The following DYM variants were observed in gnomAD, a reference collection of about 807,000 sequenced individuals.
The protein encoded by DYM is dyggve-Melchior-Clausen syndrome protein.
A neutral mutation model predicts 93.1 loss-of-function variants in DYM; 78 were observed. The observed-to-expected ratio is 0.84, with a 90% confidence interval of 0.70 to 1.01. The LOEUF (loss-of-function observed/expected upper bound fraction) is 1.01. Among genes scored for constraint, DYM ranks in the 50% least tolerant of loss-of-function variants. DYM has a pLI of 0.00. For missense variants in DYM, 789 were observed against 845.0 expected (o/e 0.93, Z 0.82); for synonymous variants, 321 against 319.7 (o/e 1.00, Z -0.04).
intron 14 of DYM, among the ~76,000 whole-genome samples, chr18:49,200,264 G>T (rs1374117234): frequency 1.3e-5 from 2 of 151,906 alleles, no homozygotes; most frequent in African/African-American, 4.8e-5. Flanking sequence ...ATTTGTAAAA[G>T]ATAAATTTTA....
At chr18:49,304,384 T>C (rs543227347) in intron 8 of DYM, among the ~76,000 whole-genome samples, 1 of 152,280 alleles carries the variant, frequency 6.6e-6, no homozygotes, top group East Asian at 1.9e-4. Flanking sequence ...ACCAACATTA[T>C]CATATTATGC....
rs546115646 is a variant in DYM at position 49,044,567 on chromosome 18, A to G, written c.2026-363T>C. Among the ~76,000 whole-genome samples the G allele has an allele frequency of 2.0e-5, 3 of 152,370 alleles. No individual in the cohort carries two copies. In the South Asian group the frequency reaches 6.2e-4, roughly 32 times the overall value. On this transcript the variant is annotated intron_variant, in intron 17 of 17. Transcript: ENST00000675505. ...TCAGGCTGATATTCCCCAGAGTGCA[A>G]TGCTAGGGACTGGCTTTTGAGAGGC...
chr18:49,068,427 C>A (rs190787024), intron 17 of DYM, among the ~76,000 whole-genome samples: 3 of 152,304 alleles, frequency 2.0e-5, no homozygotes, highest in Non-Finnish European at 4.4e-5. Context: ...TTCCTTCATA[C>A]CTTTCTTTAA....
chr18:49,269,668 A>G (rs2094641702), intron 11 of DYM, among the ~76,000 whole-genome samples: 1 of 152,234 alleles, frequency 6.6e-6, no homozygotes, highest in African/African-American at 2.4e-5. Context: ...GATGATTATT[A>G]CAAAATTCCT....
chr18:49,244,239 C>T (rs1451312989), intron 13 of DYM, among the ~76,000 whole-genome samples: 4 of 152,258 alleles, frequency 2.6e-5, no homozygotes, highest in Admixed American at 6.5e-5. Context: ...ACTGGTTCTC[C>T]GCTGGACTTG....
chr18:49,267,231 T>C (rs945230637), intron 11 of DYM, among the ~76,000 whole-genome samples: 1 of 151,658 alleles, frequency 6.6e-6, no homozygotes, highest in African/African-American at 2.4e-5. Context: ...AATAAGAGTA[T>C]ATTATGAACA....
chr18:49,322,621 GTATGT>G (rs536963098), intron 8 of DYM, among the ~76,000 whole-genome samples: 68 of 151,672 alleles, frequency 4.5e-4, no homozygotes, highest in Admixed American at 9.2e-4. Flanking sequence ...ATTATTATAT[GTATGT>G]TATATTACAA....
chr18:49,446,878 G>A (rs2082135458), intron 1 of DYM, among the ~76,000 whole-genome samples: 1 of 152,070 alleles, frequency 6.6e-6, no homozygotes, highest in Non-Finnish European at 1.5e-5. Flanking sequence ...GGCCAACACG[G>A]TGAAATTCCG....
Position 49,278,986 on chromosome 18 carries a change from A to C in DYM, c.1125+3011T>G, listed in dbSNP as rs190710363. ...GTGATAAAATATAAAAATTGTGTTC[A>C]TGTCCCTAATGGGTTTTTCTAAAAA... On this transcript the variant is annotated intron_variant, in intron 10 of 17. Coordinates refer to ENST00000675505, the MANE Select transcript of DYM (RefSeq NM_001353214.3). 3.3e-3 allele frequency among the ~76,000 whole-genome samples: 498 copies of C among 152,300 alleles called. 1 individual carries two copies. The highest frequency in any genetic ancestry group is 4.0e-3 in the Non-Finnish European group (274 of 68,012).
At chr18:49,371,270 CAGG>C (rs1329162450) in intron 5 of DYM, among the ~76,000 whole-genome samples, 1 of 152,128 alleles carries the variant, frequency 6.6e-6, no homozygotes, top group Non-Finnish European at 1.5e-5. Flanking sequence ...AAGGCCAAGG[CAGG>C]AGGATTGCTT....
At chr18:49,281,317 G>C (rs2094969839) in intron 10 of DYM, among the ~76,000 whole-genome samples, 1 of 152,208 alleles carries the variant, frequency 6.6e-6, no homozygotes, top group Non-Finnish European at 1.5e-5. Flanking sequence ...GTGCTGGAGA[G>C]GATGTGGAGA....
chr18:49,325,186 G>T (rs988693426), intron 8 of DYM, among the ~76,000 whole-genome samples: 5 of 152,100 alleles, frequency 3.3e-5, no homozygotes, highest in Non-Finnish European at 7.4e-5. Context: ...GATTCCTGTG[G>T]GTAAGTCCTA....
At position 49,040,311 on chromosome 18, in the gene DYM, T is replaced by G. The variant is rs1188865457; in HGVS notation, c.*3744A>C. Reference sequence around the variant, plus strand: ...AGGCTGTGTCTGAGTAGCTGACATTTAGACAGCCTTGTGAAGTTAGATTAG... The same window carrying G: ...AGGCTGTGTCTGAGTAGCTGACATTGAGACAGCCTTGTGAAGTTAGATTAG... On this transcript the variant is annotated 3_prime_UTR_variant, in exon 18 of 18. Transcript: ENST00000675505. 6.6e-6 allele frequency among the ~76,000 whole-genome samples: 1 copy of G among 152,252 alleles called. No homozygotes were observed. Among genetic ancestry groups the G allele is most frequent in the Non-Finnish European group, 1.5e-5 (1 of 68,050 alleles).
At chr18:49,134,982 C>T (rs1308972419) in intron 15 of DYM, among the ~76,000 whole-genome samples, 3 of 152,194 alleles carry the variant, frequency 2.0e-5, no homozygotes, top group East Asian at 1.9e-4. Context: ...GTGGCAGACA[C>T]CTGTAATCCC....
intron 8 of DYM, among the ~76,000 whole-genome samples, chr18:49,303,450 C>T (rs1201419873): frequency 6.6e-6 from 1 of 152,160 alleles, no homozygotes; most frequent in Non-Finnish European, 1.5e-5. Flanking sequence ...TAGGGAACTC[C>T]AGGAGAGCTT....
At chr18:49,379,597 T>A in intron 4 of DYM, 68 bp downstream of exon 4, 1 of 1,265,914 alleles carries the variant, frequency 7.9e-7, no homozygotes, top group Non-Finnish European at 1.2e-6. Context: ...TCCATTTCCA[T>A]CAATAAATGA....
intron 14 of DYM, among the ~76,000 whole-genome samples, chr18:49,186,943 A>C (rs1445462957): frequency 1.3e-4 from 12 of 89,414 alleles, no homozygotes; most frequent in Non-Finnish European, 1.9e-4. Flanking sequence ...TTTTTTTTTG[A>C]GATGGAGTCT....
intron 8 of DYM, among the ~76,000 whole-genome samples, chr18:49,314,511 T>C (rs749423117): frequency 6.6e-6 from 1 of 152,212 alleles, no homozygotes; most frequent in African/African-American, 2.4e-5. Flanking sequence ...AAAGAGTAGA[T>C]ACATATTCAG....
chr18:49,102,766 T>C (rs555165280), intron 16 of DYM, among the ~76,000 whole-genome samples: 122 of 152,334 alleles, frequency 8.0e-4, no homozygotes, highest in African/African-American at 2.8e-3. Context: ...TATGGCTGCA[T>C]AGTATTCCAT....
Sources: allele counts gnomAD v4.1 joint callset (sites outside exome capture counted in the v4.1 genomes callset), GRCh38; gene constraint gnomAD v4.1.1; transcripts MANE v1.5; gene names NCBI Gene and HGNC (gene_info 2026-07-23, HGNC 2026-07-21).